The following DDX42 variants were observed in gnomAD, a reference collection of about 807,000 sequenced individuals.
DDX42 encodes the protein DEAD-box helicase 42.
DDX42 carries 22 observed loss-of-function variants against 101.5 expected under a neutral mutation model. The observed-to-expected ratio is 0.22, with a 90% CI of 0.15 to 0.31. The LOEUF is 0.31. Ranked by LOEUF, DDX42 falls within the 10% of genes least tolerant of loss-of-function variation. DDX42 has a pLI of 1.00. For synonymous variants in DDX42, 402 were observed against 401.2 expected (o/e 1.00, Z -0.02); for missense variants, 849 against 1,199.9 (o/e 0.71, Z 4.32).
Position 63,774,216 on chromosome 17 carries a change from TGGCGGTGGCGGCGGC to T in DDX42, c.-174_-160del, listed in dbSNP as rs1568255219. 5.1e-5 allele frequency: 11 copies of T among 217,218 alleles called. No homozygotes were observed. Among genetic ancestry groups the T allele is most frequent in the Admixed American group, 1.5e-4 (2 of 13,622 alleles). The allele number at this position is 217,218 out of a possible 1,614,324, so 13.5% of individuals were successfully genotyped here. On this transcript the variant is annotated 5_prime_UTR_variant, in exon 1 of 18. Transcript: ENST00000389924. The stretch of plus-strand genomic sequence containing the variant: ...ACGGGCCGTGAGGCGGTGGCGGTGG[TGGCGGTGGCGGCGGC>T]GGTGGTGGTGGTGGCGGCGGCGGCG...
intron 1 of DDX42, 37 bp from the exon 2 acceptor site, chr17:63,786,997 A>G: frequency 6.2e-7 from 1 of 1,604,626 alleles, no homozygotes; most frequent in Non-Finnish European, 8.5e-7. Context: ...ACACTTTTTT[A>G]AGTTTAATTT....
At chr17:63,808,780 A>G (rs760864399) in intron 9 of DDX42, 40 bp from the exon 10 acceptor site, 15 of 1,607,534 alleles carry the variant, frequency 9.3e-6, no homozygotes, top group Middle Eastern at 1.7e-4. Flanking sequence ...GGTATTTGTT[A>G]GTGTCACAGT....
intron 14 of DDX42, among the ~76,000 whole-genome samples, chr17:63,812,438 C>T (rs926603156): frequency 6.6e-6 from 1 of 152,160 alleles, no homozygotes; most frequent in African/African-American, 2.4e-5. Flanking sequence ...ATCCCTGCAG[C>T]TAGAAGTCAC....
rs546237350 is a variant in DDX42, at chr17:63,812,804, C to T, written c.1676-424C>T. Among the ~76,000 whole-genome samples the T allele has an allele frequency of 2.6e-5, 4 of 152,230 alleles. No homozygotes were observed. The South Asian group carries it at 6.2e-4, about 24-fold the overall frequency. ...TTTTGGGAGGTGGAGGCGGGCGGAT[C>T]ACCTGAGGTCAGGAGATCGAGACCA... is the stretch of plus-strand genomic sequence containing the variant. On this transcript the variant is annotated intron_variant, in intron 14 of 17. Transcript: ENST00000389924.
chr17:63,802,964 AC>A (rs2144568667), intron 6 of DDX42, among the ~76,000 whole-genome samples: 1 of 152,208 alleles, frequency 6.6e-6, no homozygotes, highest in East Asian at 1.9e-4. Flanking sequence ...TGGAAAACTT[AC>A]ATCTACCACA....
rs116944998 is a variant in DDX42, at chr17:63,814,359, C to T, written c.1902+905C>T. ...TTAAGAGTTTGTCAAATGCCTAGGC[C>T]AGCTCACACAACTGGTACAACCCAG... On this transcript the variant is annotated intron_variant, in intron 15 of 17. Transcript: ENST00000389924. 7.9e-4 allele frequency among the ~76,000 whole-genome samples: 121 copies of T among 152,342 alleles called. 2 individuals are homozygous for T. The East Asian group carries it at 0.022, about 28-fold the overall frequency.
chr17:63,799,761 G>C, intron 5 of DDX42, 136 bp downstream of exon 5: 1 of 831,686 alleles, frequency 1.2e-6, no homozygotes, highest in Non-Finnish European at 1.8e-6. Flanking sequence ...TGCTCCTTTT[G>C]TACCTGTGTG....
intron 2 of DDX42, 51 bp from the exon 3 acceptor site, chr17:63,792,361 A>G: frequency 6.4e-7 from 1 of 1,571,434 alleles, no homozygotes; most frequent in Middle Eastern, 1.7e-4. Context: ...TGAAAGATTT[A>G]CTGACCCCAA....
At chr17:63,789,336 C>A (rs1272232009) in intron 2 of DDX42, among the ~76,000 whole-genome samples, 1 of 152,020 alleles carries the variant, frequency 6.6e-6, no homozygotes, top group African/African-American at 2.4e-5. Context: ...GCCTCAGCCT[C>A]CCAAAATGCT....
In DDX42 at chr17:63,800,899, CTTTCTTTCTTTTCTTTCCTTCCTTCCTT is replaced by C. The variant is rs1331641730; in HGVS notation, c.621+284_621+311del. Reference sequence around the variant, plus strand: ...ATATTTCTTTCTTTTCTTTCTTTCTCTTTCTTTCTTTTCTTTCCTTCCTTCCTTTCTTTCTTTTCTTTCCTTCCTTCCT... The same window carrying C: ...ATATTTCTTTCTTTTCTTTCTTTCTCTCTTTCTTTTCTTTCCTTCCTTCCT... On this transcript the variant is annotated intron_variant, in intron 6 of 17. Transcript: ENST00000389924. Among the ~76,000 whole-genome samples the C allele has an allele frequency of 3.5e-4, 6 of 17,304 alleles. No homozygotes were observed. The African/African-American group carries it at 0.01, about 29-fold the overall frequency. 11.4% of individuals were successfully genotyped at this position (17,304 alleles called of 152,430 possible).
At position 63,811,995 on chromosome 17, in the gene DDX42, C is replaced by G; in HGVS notation, c.1462C>G (p.Leu488Val). 6.2e-7 allele frequency: 1 copy of G among 1,614,210 alleles called. No homozygotes were observed. The highest frequency in any genetic ancestry group is 1.3e-5 in the African/African-American group (1 of 75,050). The change falls in exon 14 of 18, where the codon CTT (leucine) becomes GTT (valine). Residue 488 changes from leucine to valine, a missense_variant. Physicochemically the swap from Leu to Val is conservative, Grantham distance 32. Around this residue, in one of 5 missense-constraint regions of DDX42, gnomAD observed 370 missense variants for 608.8 expected, o/e 0.61. Transcript: ENST00000389924. Reference sequence around the variant, plus strand: ...TTCTGGACCTAGTAAATGGAACTGGCTTACCCGGCGTCTGGTAGAATTTAC... The same window carrying G: ...TTCTGGACCTAGTAAATGGAACTGGGTTACCCGGCGTCTGGTAGAATTTAC... ...LHSGPSKWNW[L>V]TRRLVEFTSS...
Position 63,817,947 on chromosome 17 carries a change from A to C in DDX42, c.2366A>C (p.Asn789Thr), listed in dbSNP as rs1359326752. The C allele has an allele frequency of 2.5e-6, 4 of 1,614,064 alleles. No individual in the cohort carries two copies. The change falls in exon 18 of 18, where the codon AAC (asparagine) becomes ACC (threonine). Residue 789 changes from asparagine to threonine, a missense_variant. Asn to Thr is a moderately conservative substitution (Grantham distance 65, BLOSUM62 0). Around this residue, in one of 5 missense-constraint regions of DDX42, gnomAD observed 300 missense variants for 304.9 expected, o/e 0.98. Transcript: ENST00000389924. Reference sequence around the variant, plus strand: ...TCTGCCGGAGCCCAAGGAGTCAACAACACAGCTTCAGGGAATAACAGCCGA... The same window carrying C: ...TCTGCCGGAGCCCAAGGAGTCAACACCACAGCTTCAGGGAATAACAGCCGA... ...YPSAGAQGVN[N>T]TASGNNSREG...
chr17:63,808,431 C>T (rs2039868963), intron 9 of DDX42, among the ~76,000 whole-genome samples: 1 of 152,164 alleles, frequency 6.6e-6, no homozygotes, highest in South Asian at 2.1e-4. Flanking sequence ...GCCTTGGCCT[C>T]CCACAGTGCT....
At chr17:63,779,657 A>G (rs2039462271) in intron 1 of DDX42, among the ~76,000 whole-genome samples, 1 of 152,158 alleles carries the variant, frequency 6.6e-6, no homozygotes, top group Non-Finnish European at 1.5e-5. Context: ...ATTAAACAAT[A>G]ACACCCTATT....
At chr17:63,801,382 G>A (rs1488118346) in intron 6 of DDX42, among the ~76,000 whole-genome samples, 1 of 151,906 alleles carries the variant, frequency 6.6e-6, no homozygotes, top group Non-Finnish European at 1.5e-5. Context: ...AACTGGGAAC[G>A]TTTTGGCCTG....
In DDX42 at chr17:63,808,938, T is replaced by A; in HGVS notation, c.1142T>A (p.Val381Glu). The change falls in exon 10 of 18, where the codon GTG becomes GAG. Residue 381 changes from valine (V) to glutamate (E), a missense_variant. Coordinates refer to ENST00000389924, the MANE Select transcript of DDX42 (RefSeq NM_203499.3). ...KALQEGAEIV[V>E]CTPGRLIDHV... is the part of the protein sequence containing the mutation. ...CTTCAGGAGGGGGCAGAGATTGTTG[T>A]GTGTACCCCAGTAAGTATGCCTTGT... 1 of 1,613,844 alleles carries A rather than the reference T, an allele frequency of 6.2e-7. No homozygotes were observed. The highest frequency in any genetic ancestry group is 8.5e-7 in the Non-Finnish European group (1 of 1,179,854).
intron 6 of DDX42, among the ~76,000 whole-genome samples, chr17:63,802,581 A>C (rs1003189433): frequency 1.3e-5 from 2 of 152,206 alleles, no homozygotes; most frequent in African/African-American, 4.8e-5. Flanking sequence ...AAGCCTGGGC[A>C]ACTTGGTGAA....
At chr17:63,791,823 A>T (rs1470016798) in intron 2 of DDX42, among the ~76,000 whole-genome samples, 1 of 152,140 alleles carries the variant, frequency 6.6e-6, no homozygotes, top group Non-Finnish European at 1.5e-5. Flanking sequence ...AGGAGGGCAG[A>T]TCACGTAAGG....
Position 63,806,609 on chromosome 17 carries a change from G to C in DDX42, c.801G>C (p.Gln267His). 1 of 1,613,526 alleles carries C rather than the reference G, an allele frequency of 6.2e-7. No individual in the cohort carries two copies. Among genetic ancestry groups the C allele is most frequent in the Non-Finnish European group, 8.5e-7 (1 of 1,179,814 alleles). The change falls in exon 8 of 18, where the codon CAG (glutamine) becomes CAC (histidine). Residue 267 changes from glutamine to histidine, a missense_variant. Physicochemically the swap from Gln to His is conservative, Grantham distance 24. Coordinates refer to ENST00000389924, the MANE Select transcript of DDX42 (RefSeq NM_203499.3). The stretch of plus-strand genomic sequence containing the variant: ...GGTTTGACGAACAACTTATGCACCA[G>C]ATTCGGAAATCTGAATACACACAGC... ...HFGFDEQLMH[Q>H]IRKSEYTQPT... is the part of the protein sequence containing the mutation.
Sources: allele counts gnomAD v4.1 joint callset (sites outside exome capture counted in the v4.1 genomes callset), GRCh38; gene constraint gnomAD v4.1.1; regional missense constraint gnomAD v4.1.1; transcripts MANE v1.5; gene names NCBI Gene and HGNC (gene_info 2026-07-23, HGNC 2026-07-21).